The following VDAC1 variants were observed in gnomAD, a reference collection of about 807,000 sequenced individuals.
The protein encoded by VDAC1 is non-selective voltage-gated ion channel VDAC1.
Under a neutral mutation model 34.7 loss-of-function variants are expected in VDAC1, and 10 were observed. The ratio of observed to expected loss-of-function variants is 0.29; its 90% confidence interval spans 0.18 to 0.49. The LOEUF is 0.49. Among genes scored for constraint, VDAC1 ranks in the 20% least tolerant of loss-of-function variants. The pLI is 0.99. For synonymous variants in VDAC1, 130 were observed against 136.0 expected, an observed-to-expected ratio of 0.96 and a Z score of 0.30; for missense variants, 230 against 347.9, an observed-to-expected ratio of 0.66 and a Z score of 2.69.
the VDAC1 span, among the ~76,000 whole-genome samples, chr5:134,014,899 CA>C: frequency 1.3e-5 from 2 of 152,052 alleles, no homozygotes; most frequent in Non-Finnish European, 2.9e-5. Flanking sequence ...ACCAAAAAGA[CA>C]AATGCACATG....
the VDAC1 span, among the ~76,000 whole-genome samples, chr5:134,109,913 G>A: frequency 6.6e-6 from 1 of 152,144 alleles, no homozygotes. Flanking sequence ...TGGCACTCCC[G>A]ACCCCTTGGA....
the VDAC1 span, among the ~76,000 whole-genome samples, chr5:134,058,118 C>A: frequency 6.6e-6 from 1 of 151,770 alleles, no homozygotes; most frequent in Admixed American, 6.6e-5. Context: ...CTGGTCCAGA[C>A]CTTAAATAAT....
At chr5:134,112,035 C>A in the VDAC1 span, among the ~76,000 whole-genome samples, 1 of 152,112 alleles carries the variant, frequency 6.6e-6, no homozygotes, top group Non-Finnish European at 1.5e-5. Context: ...TGAGGTTGGT[C>A]GTTGTGTAGA....
At chr5:134,090,325 T>G in the VDAC1 span, among the ~76,000 whole-genome samples, 674 of 152,322 alleles carry the variant, frequency 4.4e-3, 9 homozygotes, top group African/African-American at 0.016. Context: ...ACCACACCAA[T>G]TAGCCTTGAT....
Position 133,990,893 on chromosome 5 carries a change from C to T in VDAC1, c.285G>A (p.Leu95=). The T allele has an allele frequency of 1.3e-6, 2 of 1,574,596 alleles. No individual in the cohort carries two copies. The highest frequency in any genetic ancestry group is 1.7e-6 in the Non-Finnish European group (2 of 1,158,998). The part of the protein sequence containing the change: ...ITVEDQLARG[L]KLTFDSSFSP... ...AGAAGGATGAATCGAAGGTCAGCTT[C>T]AGTCCACGTGCAAGCTGAACAGAAA... Residue 95 remains leucine (L), a synonymous_variant, in exon 5 of 9, where the codon CTG becomes CTA. Transcript: ENST00000265333.
the VDAC1 span, among the ~76,000 whole-genome samples, chr5:134,030,760 AC>A: frequency 1.3e-5 from 2 of 152,110 alleles, no homozygotes; most frequent in African/African-American, 4.8e-5. Flanking sequence ...GGCCTCTGCC[AC>A]CACATCTGGC....
the VDAC1 span, among the ~76,000 whole-genome samples, chr5:134,044,499 A>T: frequency 1.3e-5 from 2 of 152,324 alleles, no homozygotes; most frequent in Admixed American, 1.3e-4. Context: ...GCTAGCTGGC[A>T]TTTCAGTTCC....
At position 133,992,512 on chromosome 5, in the gene VDAC1, G is replaced by A. The variant is rs115693329; in HGVS notation, c.68-157C>T. On this transcript the variant is annotated intron_variant, in intron 2 of 8. Coordinates refer to ENST00000265333, the MANE Select transcript of VDAC1 (RefSeq NM_003374.3). ...GTCTCTGCTGCTGCTCGTGGGGGGA[G>A]CTCTCAGCTGCCATGGAACAGCAGC... Among the ~76,000 whole-genome samples the A allele has an allele frequency of 7.0e-3, 1,062 of 152,352 alleles. 13 individuals carry two copies. Among genetic ancestry groups the A allele is most frequent in the African/African-American group, 0.022 (906 of 41,574 alleles).
At chr5:134,049,842 C>T in the VDAC1 span, among the ~76,000 whole-genome samples, 1 of 152,026 alleles carries the variant, frequency 6.6e-6, no homozygotes, top group Non-Finnish European at 1.5e-5. Context: ...TGGCCTCCCA[C>T]GGTGCTGGGA....
At chr5:134,068,691 C>T in the VDAC1 span, among the ~76,000 whole-genome samples, 7 of 152,148 alleles carry the variant, frequency 4.6e-5, no homozygotes, top group African/African-American at 1.7e-4. Context: ...TTTCTCTGTT[C>T]GGAAACCACT....
chr5:134,075,113 A>G, the VDAC1 span, among the ~76,000 whole-genome samples: 24 of 152,186 alleles, frequency 1.6e-4, no homozygotes, highest in Non-Finnish European at 3.2e-4. Context: ...TATTCATACT[A>G]CCATCGCTGC....
the VDAC1 span, among the ~76,000 whole-genome samples, chr5:134,092,541 T>C: frequency 1.3e-5 from 2 of 151,980 alleles, no homozygotes; most frequent in Non-Finnish European, 2.9e-5. Flanking sequence ...CCAGGCATGG[T>C]GGTGGGTGCC....
the VDAC1 span, among the ~76,000 whole-genome samples, chr5:134,102,811 T>C: frequency 1.3e-5 from 2 of 152,168 alleles, no homozygotes; most frequent in African/African-American, 4.8e-5. Context: ...GAGTTTGGGC[T>C]ATAGGGCAGA....
chr5:134,094,432 C>T, the VDAC1 span, among the ~76,000 whole-genome samples: 1 of 152,180 alleles, frequency 6.6e-6, no homozygotes, highest in Non-Finnish European at 1.5e-5. Context: ...GGCGCGGTGG[C>T]TCACACCTGT....
the VDAC1 span, among the ~76,000 whole-genome samples, chr5:134,113,080 T>TC: frequency 1.3e-5 from 2 of 152,042 alleles, no homozygotes; most frequent in Admixed American, 6.5e-5. Flanking sequence ...GGCTCTGAAC[T>TC]CCCGTCCCTG....
In VDAC1 at chr5:133,971,876, T is replaced by C. The variant is rs1469918436; in HGVS notation, c.*895A>G. The C allele has an allele frequency of 6.6e-6, 1 of 152,612 alleles. No homozygotes were observed. Among genetic ancestry groups the C allele is most frequent in the East Asian group, 1.9e-4 (1 of 5,196 alleles). The allele number at this position is 152,612 out of a possible 1,614,324, so 9.5% of individuals were successfully genotyped here. A position where few individuals can be genotyped will look rare whatever the true frequency, so the allele number is the denominator to read the frequency against. The stretch of plus-strand genomic sequence containing the variant: ...AAAATAAATCTAAACAAATGCCCTG[T>C]TTATTTATATTTTATTAATAAAGAC... On this transcript the variant is annotated 3_prime_UTR_variant, in exon 9 of 9. Transcript: ENST00000265333.
At chr5:134,101,558 C>CAA in the VDAC1 span, among the ~76,000 whole-genome samples, 14 of 134,304 alleles carry the variant, frequency 1.0e-4, no homozygotes, top group Admixed American at 4.5e-4. Flanking sequence ...GACTCTGTCT[C>CAA]AAAAAAAAAA....
chr5:133,994,162 G>T (rs1381648910), intron 1 of VDAC1, among the ~76,000 whole-genome samples: 1 of 152,114 alleles, frequency 6.6e-6, no homozygotes, highest in Non-Finnish European at 1.5e-5. Context: ...GACATGATAT[G>T]CTTCCATATC....
At chr5:134,094,222 C>A in the VDAC1 span, among the ~76,000 whole-genome samples, 3 of 152,230 alleles carry the variant, frequency 2.0e-5, no homozygotes, top group African/African-American at 7.2e-5. Flanking sequence ...GCAGGTCATT[C>A]GCGTTCCAGG....
Sources: allele counts gnomAD v4.1 joint callset (sites outside exome capture counted in the v4.1 genomes callset), GRCh38; gene constraint gnomAD v4.1.1; transcripts MANE v1.5; gene names NCBI Gene and HGNC (gene_info 2026-07-23, HGNC 2026-07-21).